The following SLC44A1 variants were observed in gnomAD, a reference collection of about 807,000 sequenced individuals.
SLC44A1 encodes choline transporter-like protein 1.
SLC44A1 carries 26 observed loss-of-function variants against 79.3 expected under a neutral mutation model. That is an observed-to-expected ratio of 0.33 (90% CI 0.24 to 0.46). The LOEUF is 0.46. Ranked by LOEUF, SLC44A1 falls within the 20% of genes least tolerant of loss-of-function variation. The pLI is 1.00. For synonymous variants in SLC44A1, 263 were observed against 286.2 expected (o/e 0.92, Z 0.82); for missense variants, 688 against 798.1 (o/e 0.86, Z 1.66).
chr9:105,389,464 G>A lies in SLC44A1; in HGVS notation c.*408G>A, dbSNP rs541142206. ...AAGTTTATTCAGGGGTAATTTCCCTGATGTCTGTATAAAATCAAGATCTTA... is the reference window on the plus strand; with the variant it reads ...AAGTTTATTCAGGGGTAATTTCCCTAATGTCTGTATAAAATCAAGATCTTA... On this transcript the variant is annotated 3_prime_UTR_variant, in exon 16 of 16. Transcript: ENST00000374720. 37 of 1,032,956 alleles carry A rather than the reference G, an allele frequency of 3.6e-5. No individual in the cohort carries two copies. In the African/African-American group the frequency reaches 5.7e-4, roughly 16 times the overall value. The allele number at this position is 1,032,956 out of a possible 1,614,324, so 64.0% of individuals were successfully genotyped here.
chr9:105,344,850 T>C (rs1422162622), intron 4 of SLC44A1, among the ~76,000 whole-genome samples: 2 of 152,138 alleles, frequency 1.3e-5, no homozygotes, highest in African/African-American at 2.4e-5. Context: ...ATAGCTTTGT[T>C]GGGTTGGTCA....
chr9:105,362,915 C>T lies in SLC44A1; in HGVS notation c.995C>T (p.Pro332Leu), dbSNP rs905145114. ...GCTGGCAAGGTCTTCATTCACTTGC[C>T]ACTGCTAGTCTTCCAACCCTTCTGG... ...HVAGKVFIHL[P>L]LLVFQPFWTF... The change falls in exon 9 of 16, where the codon CCA becomes CTA. Residue 332 changes from proline (P) to leucine (L), a missense_variant. Pro to Leu is a moderately conservative substitution (Grantham distance 98). Transcript: ENST00000374720. The T allele has an allele frequency of 6.2e-7, 1 of 1,613,652 alleles. No individual in the cohort carries two copies. The highest frequency in any genetic ancestry group is 1.3e-5 in the African/African-American group (1 of 74,890).
intron 2 of SLC44A1, among the ~76,000 whole-genome samples, chr9:105,300,681 G>C (rs1830853326): frequency 6.6e-6 from 1 of 152,068 alleles, no homozygotes; most frequent in Admixed American, 6.5e-5. Flanking sequence ...CTAACTTAAT[G>C]ACTTAAAAGA....
intron 3 of SLC44A1, among the ~76,000 whole-genome samples, chr9:105,321,600 G>T (rs1826394953): frequency 6.6e-6 from 1 of 152,098 alleles, no homozygotes; most frequent in African/African-American, 2.4e-5. Flanking sequence ...AGTGACAAGG[G>T]ACTATAACCT....
chr9:105,300,670 C>T (rs1830853169), intron 2 of SLC44A1, among the ~76,000 whole-genome samples: 1 of 152,134 alleles, frequency 6.6e-6, no homozygotes, highest in African/African-American at 2.4e-5. Context: ...ATACTCATCT[C>T]CTAACTTAAT....
chr9:105,362,783 T>C, intron 8 of SLC44A1, 38 bp from the exon 9 acceptor site: 3 of 1,446,598 alleles, frequency 2.1e-6, no homozygotes, highest in Admixed American at 5.2e-5. Flanking sequence ...CTGTTTTCAC[T>C]ACTTATAATA....
intron 12 of SLC44A1, among the ~76,000 whole-genome samples, chr9:105,367,303 T>G (rs912289775): frequency 1.3e-5 from 2 of 152,234 alleles, no homozygotes; most frequent in African/African-American, 4.8e-5. Context: ...AGGTTGATAG[T>G]TCTATGCCCA....
intron 10 of SLC44A1, 128 bp from the exon 11 acceptor site, chr9:105,365,355 G>T (rs76158193): frequency 1.5e-6 from 1 of 655,250 alleles, no homozygotes; most frequent in Non-Finnish European, 2.6e-6. Context: ...TGGCCATTTT[G>T]TCATAAAGCT....
At chr9:105,265,654 T>C (rs1370469432) in intron 1 of SLC44A1, among the ~76,000 whole-genome samples, 1 of 152,176 alleles carries the variant, frequency 6.6e-6, no homozygotes, top group Non-Finnish European at 1.5e-5. Context: ...ATTGCTGGGT[T>C]GTATGGTAAG....
chr9:105,317,617 C>G (rs1261357330), intron 3 of SLC44A1, among the ~76,000 whole-genome samples: 1 of 152,028 alleles, frequency 6.6e-6, no homozygotes, highest in African/African-American at 2.4e-5. Flanking sequence ...GAATACCAAG[C>G]TTGGTTCTCA....
At chr9:105,373,206 T>A (rs1321407539) in intron 12 of SLC44A1, among the ~76,000 whole-genome samples, 1 of 152,142 alleles carries the variant, frequency 6.6e-6, no homozygotes, top group East Asian at 1.9e-4. Flanking sequence ...AAGTAAGCCC[T>A]TTATCTCCAA....
At chr9:105,254,183 TA>T (rs1330081464) in intron 1 of SLC44A1, among the ~76,000 whole-genome samples, 1 of 152,246 alleles carries the variant, frequency 6.6e-6, no homozygotes, top group Non-Finnish European at 1.5e-5. Context: ...AGCAAGGACG[TA>T]AGTTCTCTCC....
intron 1 of SLC44A1, among the ~76,000 whole-genome samples, 195 bp from the exon 2 acceptor site, chr9:105,299,025 G>T (rs1830805084): frequency 6.6e-6 from 1 of 152,134 alleles, no homozygotes; most frequent in Admixed American, 6.5e-5. Flanking sequence ...TGGGAGTAGG[G>T]CCAGTGGAGT....
chr9:105,272,196 G>GA (rs1228978969), intron 1 of SLC44A1, among the ~76,000 whole-genome samples: 1 of 152,134 alleles, frequency 6.6e-6, no homozygotes, highest in East Asian at 1.9e-4. Flanking sequence ...ATCAAAAGGA[G>GA]AAAATACATA....
rs532106526 is a variant in SLC44A1, at chr9:105,335,567, G to A, written c.274G>A (p.Val92Ile). 6 of 1,611,330 alleles carry A rather than the reference G, an allele frequency of 3.7e-6. No individual in the cohort carries two copies. Among genetic ancestry groups the A allele is most frequent in the Admixed American group, 3.3e-5 (2 of 59,730 alleles). The change falls in exon 4 of 16, where the codon GTA (valine) becomes ATA (isoleucine). Residue 92 changes from valine to isoleucine, a missense_variant. Physicochemically the swap from Val to Ile is conservative, Grantham distance 29. Transcript: ENST00000374720. Reference sequence around the variant, plus strand: ...GTTTTTTTCTCCATGCTTTAGGTATGTATTCTTTTTGGATCCATGCAACCT... The same window carrying A: ...GTTTTTTTCTCCATGCTTTAGGTATATATTCTTTTTGGATCCATGCAACCT... ...SGMDHTQRKYVFFLDPCNLDL... is the reference protein window; with the variant it reads ...SGMDHTQRKYIFFLDPCNLDL...
chr9:105,246,412 T>G (rs1829451677), intron 1 of SLC44A1, among the ~76,000 whole-genome samples: 1 of 148,598 alleles, frequency 6.7e-6, no homozygotes, highest in African/African-American at 2.5e-5. Flanking sequence ...ACCCGTTAGC[T>G]TTTTTTTTTC....
At chr9:105,434,738 A>G (rs1331311903) in intron 15 of SLC44A1, among the ~76,000 whole-genome samples, 1 of 152,216 alleles carries the variant, frequency 6.6e-6, no homozygotes, top group African/African-American at 2.4e-5. Flanking sequence ...TTTCATGTTC[A>G]AGGATAGTAG....
chr9:105,364,050 C>G (rs1260943568), intron 9 of SLC44A1, among the ~76,000 whole-genome samples: 2 of 152,154 alleles, frequency 1.3e-5, no homozygotes, highest in African/African-American at 4.8e-5. Context: ...TAGTTAGACA[C>G]TCAGACTTTC....
At chr9:105,324,393 G>A (rs1826505186) in intron 3 of SLC44A1, among the ~76,000 whole-genome samples, 1 of 151,820 alleles carries the variant, frequency 6.6e-6, no homozygotes, top group Non-Finnish European at 1.5e-5. Context: ...TGGGATTACA[G>A]TTGTGTGCCA....
Sources: allele counts gnomAD v4.1 joint callset (sites outside exome capture counted in the v4.1 genomes callset), GRCh38; gene constraint gnomAD v4.1.1; transcripts MANE v1.5; gene names NCBI Gene and HGNC (gene_info 2026-07-23, HGNC 2026-07-21).